Variants in TMEM120B observed in about 807,000 individuals in gnomAD.
The protein encoded by TMEM120B is transmembrane protein 120B.
TMEM120B carries 31 observed loss-of-function variants against 55.5 expected under a neutral mutation model. The ratio of observed to expected loss-of-function variants is 0.56; its 90% CI spans 0.42 to 0.75. The LOEUF (loss-of-function observed/expected upper bound fraction) is 0.75, where lower values mean the gene tolerates loss of function less well. Ranked by LOEUF, TMEM120B falls within the 30% of genes least tolerant of loss-of-function variation. The pLI is 0.00. For missense variants in TMEM120B, 399 were observed against 425.5 expected (o/e 0.94, Z 0.55); for synonymous variants, 203 against 176.3 (o/e 1.15, Z -1.20).
intron 1 of TMEM120B, among the ~76,000 whole-genome samples, chr12:121,735,467 C>T (rs1202184787): frequency 5.9e-5 from 9 of 151,326 alleles, no homozygotes; most frequent in Middle Eastern, 3.4e-3. Flanking sequence ...GGCACGATCT[C>T]GGCTCACTGC....
intron 5 of TMEM120B, among the ~76,000 whole-genome samples, chr12:121,761,018 G>T (rs537742435): frequency 2.0e-5 from 3 of 151,866 alleles, no homozygotes; most frequent in African/African-American, 4.8e-5. Flanking sequence ...TCGCTCTGTC[G>T]CTCAGGCTGG....
chr12:121,726,764 A>C (rs1034906498), intron 1 of TMEM120B, among the ~76,000 whole-genome samples: 2 of 150,674 alleles, frequency 1.3e-5, no homozygotes, highest in African/African-American at 2.4e-5. Context: ...AAAATTAGCC[A>C]GGCATGGAGG....
In TMEM120B at chr12:121,775,547, T is replaced by G. The variant is rs1308791390; in HGVS notation, c.907-62T>G. The G allele has an allele frequency of 5.1e-6, 8 of 1,558,198 alleles. No homozygotes were observed. The highest frequency in any genetic ancestry group is 6.9e-6 in the Non-Finnish European group (8 of 1,152,022). ...AGCTGTGCTGGAGATTCTGGGGTGC[T>G]GGGGGCAGGGGTTCAGCAGGGCAGA... On this transcript the variant is annotated intron_variant, in intron 11 of 11. Coordinates refer to ENST00000449592, the MANE Select transcript of TMEM120B (RefSeq NM_001080825.2). This position sits in a 1 kb window ranked among gnomAD's most constrained non-coding sequence, Gnocchi z 4.3.
intron 1 of TMEM120B, among the ~76,000 whole-genome samples, chr12:121,733,717 T>C (rs1169785327): frequency 6.6e-6 from 1 of 151,586 alleles, no homozygotes; most frequent in Non-Finnish European, 1.5e-5. Context: ...TTTGTATTTT[T>C]AGTAGAGATG....
At chr12:121,748,222 A>AGGAGGCACTGGGGTAGAAGGTG in intron 2 of TMEM120B, 104 bp from the exon 3 acceptor site, 1 of 416,298 alleles carries the variant, frequency 2.4e-6, no homozygotes, top group South Asian at 2.1e-5. Context: ...GGTAGAAGGT[A>AGGAGGCACTGGGGTAGAAGGTG]GGAGGCACTG....
At chr12:121,770,262 C>T (rs1470827384) in intron 6 of TMEM120B, among the ~76,000 whole-genome samples, 1 of 152,062 alleles carries the variant, frequency 6.6e-6, no homozygotes, top group Non-Finnish European at 1.5e-5. Flanking sequence ...CCTCATGTGG[C>T]CTTTTCTCTG....
chr12:121,753,904 G>A (rs1433977274), intron 5 of TMEM120B, among the ~76,000 whole-genome samples: 4 of 152,192 alleles, frequency 2.6e-5, no homozygotes, highest in Admixed American at 6.5e-5. Flanking sequence ...ACGTGGAGGC[G>A]CTGCTGGGGG....
chr12:121,768,922 G>A (rs1326604691), intron 6 of TMEM120B, among the ~76,000 whole-genome samples: 1 of 152,108 alleles, frequency 6.6e-6, no homozygotes, highest in African/African-American at 2.4e-5. Flanking sequence ...GAGGCAGGTG[G>A]ATCCCCTGAG....
At chr12:121,770,352 GTT>G (rs1873998125) in intron 6 of TMEM120B, among the ~76,000 whole-genome samples, 1 of 152,106 alleles carries the variant, frequency 6.6e-6, no homozygotes, top group Admixed American at 6.5e-5. Flanking sequence ...GTGTGACCTT[GTT>G]TTACCTCAGT....
intron 4 of TMEM120B, among the ~76,000 whole-genome samples, chr12:121,751,152 C>T (rs1243476400): frequency 7.6e-6 from 1 of 132,168 alleles, no homozygotes; most frequent in East Asian, 2.5e-4. Flanking sequence ...CATACCTATA[C>T]CCCAAACCCA....
At chr12:121,718,040 C>T (rs1894732280) in intron 1 of TMEM120B, among the ~76,000 whole-genome samples, 1 of 152,160 alleles carries the variant, frequency 6.6e-6, no homozygotes, top group African/African-American at 2.4e-5. Context: ...CTAGCTTTGC[C>T]ATTGTCTAGT....
chr12:121,724,007 G>T (rs1365288446), intron 1 of TMEM120B, among the ~76,000 whole-genome samples: 1 of 135,888 alleles, frequency 7.4e-6, no homozygotes, highest in Non-Finnish European at 1.6e-5. Context: ...TCACTGTGTT[G>T]TCCAGGCTGG....
chr12:121,767,034 G>C (rs1408965369), intron 6 of TMEM120B, among the ~76,000 whole-genome samples: 1 of 152,170 alleles, frequency 6.6e-6, no homozygotes, highest in African/African-American at 2.4e-5. Flanking sequence ...GTGTCCTGAA[G>C]GGAGAAGTCT....
At chr12:121,755,014 T>C (rs1045197637) in intron 5 of TMEM120B, among the ~76,000 whole-genome samples, 7 of 152,182 alleles carry the variant, frequency 4.6e-5, no homozygotes, top group Non-Finnish European at 1.0e-4. Flanking sequence ...AGAAGCTGTG[T>C]CTGGAGACTG....
chr12:121,769,633 G>A (rs768236600), intron 6 of TMEM120B, among the ~76,000 whole-genome samples: 17 of 152,130 alleles, frequency 1.1e-4, no homozygotes, highest in Admixed American at 2.0e-4. Context: ...GACCTGGGAG[G>A]TCAGGGCTGC....
At chr12:121,772,083 C>T (rs537806458) in intron 8 of TMEM120B, among the ~76,000 whole-genome samples, 2 of 135,856 alleles carry the variant, frequency 1.5e-5, no homozygotes, top group South Asian at 4.4e-4. Context: ...CTTTCTTTCT[C>T]TTTCTCTCTC....
At position 121,779,816 on chromosome 12, in the gene TMEM120B, G is replaced by T; in HGVS notation, c.*4094G>T. ...CTCCATCCTGGCTGCCCCTCACAGT[G>T]TGTGGGTGGAATGGAGGGCCAGGGC... is the stretch of plus-strand genomic sequence containing the variant. On this transcript the variant is annotated 3_prime_UTR_variant, in exon 12 of 12. Coordinates refer to ENST00000449592, the MANE Select transcript of TMEM120B (RefSeq NM_001080825.2). 1.3e-6 allele frequency: 1 copy of T among 782,148 alleles called. No individual in the cohort carries two copies. Among genetic ancestry groups the T allele is most frequent in the Non-Finnish European group, 2.0e-6 (1 of 496,624 alleles). The allele number at this position is 782,148 out of a possible 1,614,324, so 48.5% of individuals were successfully genotyped here. A position where few individuals can be genotyped will look rare whatever the true frequency, so the allele number is the denominator to read the frequency against.
intron 5 of TMEM120B, among the ~76,000 whole-genome samples, chr12:121,760,486 C>T (rs554793582): frequency 7.0e-4 from 107 of 152,202 alleles, no homozygotes; most frequent in African/African-American, 2.3e-3. Flanking sequence ...CTGGGAGGGG[C>T]GCGTGCGCAG....
At position 121,775,177 on chromosome 12, in the gene TMEM120B, G is replaced by C. The variant is rs1874196218; in HGVS notation, c.906+47G>C. 10 of 1,447,278 alleles carry C rather than the reference G, an allele frequency of 6.9e-6. No homozygotes were observed. In the East Asian group the frequency reaches 2.4e-4, roughly 35 times the overall value. 89.7% of individuals were successfully genotyped at this position (1,447,278 alleles called of 1,614,324 possible). ...TCGGGGGAGGTTCCCGGGAGGGCTG[G>C]GGTGGCAGGGATGGGGTGTATGTGT... is the stretch of plus-strand genomic sequence containing the variant. On this transcript the variant is annotated intron_variant, in intron 11 of 11. Transcript: ENST00000449592. This position sits in a 1 kb window ranked among gnomAD's most constrained non-coding sequence, Gnocchi z 4.3.
Sources: allele counts gnomAD v4.1 joint callset (sites outside exome capture counted in the v4.1 genomes callset), GRCh38; gene constraint gnomAD v4.1.1; non-coding constraint Gnocchi (gnomAD v3.1); transcripts MANE v1.5; gene names NCBI Gene and HGNC (gene_info 2026-07-23, HGNC 2026-07-21).